Variants in ZP2 observed in about 807,000 individuals in gnomAD.
ZP2 encodes the protein zona pellucida glycoprotein 2, also known as zona pellucida sperm-binding protein 2.
In ZP2, 51 loss-of-function variants were observed where a neutral mutation model predicts 84.0. The observed-to-expected ratio is 0.61, with a 90% CI of 0.49 to 0.77. The LOEUF (loss-of-function observed/expected upper bound fraction) is 0.77. ZP2 is among the 30% of genes least tolerant of loss of function. The pLI, the probability that ZP2 is intolerant of heterozygous loss-of-function variation, is 0.00. For synonymous variants in ZP2, 375 were observed against 330.9 expected (o/e 1.13, Z -1.45); for missense variants, 909 against 911.9 (o/e 1.00, Z 0.04).
chr16:21,201,775 C>T lies in ZP2; in HGVS notation c.1435G>A (p.Glu479Lys). The T allele has an allele frequency of 6.2e-7, 1 of 1,614,114 alleles. No homozygotes were observed. The highest frequency in any genetic ancestry group is 8.5e-7 in the Non-Finnish European group (1 of 1,180,024). The change falls in exon 13 of 19, where the codon GAA becomes AAA. Residue 479 changes from glutamate (E) to lysine (K), a missense_variant. Physicochemically the swap from Glu to Lys is moderately conservative, Grantham distance 56. Coordinates refer to ENST00000574091, the MANE Select transcript of ZP2 (RefSeq NM_001376232.1). ...RNDMLLNINVESLTPPVASVK... is the reference protein window; with the variant it reads ...RNDMLLNINVKSLTPPVASVK... Reference sequence around the variant, plus strand: ...GAGGCCACTGGAGGAGTAAGGCTTTCAACGTTGATGTTTAGTAGCATGTCA... The same window carrying T: ...GAGGCCACTGGAGGAGTAAGGCTTTTAACGTTGATGTTTAGTAGCATGTCA...
rs776072365 is a variant in ZP2, at chr16:21,206,934, G to C, written c.387C>G (p.His129Gln). The change falls in exon 5 of 19, where the codon CAC becomes CAG. Residue 129 changes from histidine (H) to glutamine (Q), a missense_variant. His to Gln is a conservative substitution (Grantham distance 24, BLOSUM62 0). Transcript: ENST00000574091. The stretch of plus-strand genomic sequence containing the variant: ...AGAAGAACTGATACATGACAGCTCC[G>C]TGTCTTAAGGCAGCACTGTTGTTCA... Reference protein sequence around the residue: ...RVMNNSAALRHGAVMYQFFCP... With the variant: ...RVMNNSAALRQGAVMYQFFCP... The C allele has an allele frequency of 1.2e-6, 2 of 1,613,996 alleles. No homozygotes were observed. The highest frequency in any genetic ancestry group is 1.7e-6 in the Non-Finnish European group (2 of 1,180,012).
chr16:21,199,749 A>G lies in ZP2; in HGVS notation c.1824T>C (p.Ser608=). 1 of 1,614,096 alleles carries G rather than the reference A, an allele frequency of 6.2e-7. No homozygotes were observed. Among genetic ancestry groups the G allele is most frequent in the East Asian group, 2.2e-5 (1 of 44,878 alleles). Residue 608 remains serine, a synonymous_variant, in exon 15 of 19, where the codon TCT becomes TCC. Coordinates refer to ENST00000574091, the MANE Select transcript of ZP2 (RefSeq NM_001376232.1). ...TGACTTCTGAATCACTTACCAGGCT[A>G]GAGAGCACGTGGGCTTCTGATACAA... The part of the protein sequence containing the change: ...FAFVSEAHVL[S]SLVYFHCSAL...
chr16:21,199,922 T>G (rs2093217710), intron 14 of ZP2, 44 bp from the exon 15 acceptor site: 1 of 1,607,580 alleles, frequency 6.2e-7, no homozygotes, highest in Non-Finnish European at 8.5e-7. Flanking sequence ...ATATGCATCT[T>G]GGAGTCAAAT....
In ZP2 at chr16:21,210,362, C is replaced by T. The variant is rs2093269229; in HGVS notation, c.152-170G>A. On this transcript the variant is annotated intron_variant, in intron 2 of 18. Coordinates refer to ENST00000574091, the MANE Select transcript of ZP2 (RefSeq NM_001376232.1). ...TGACCAAGACAACAATACAATATGC[C>T]AAGAACTGTAAGGAAAATATCAGGT... Among the ~76,000 whole-genome samples, 4 of 151,968 alleles carry T rather than the reference C, an allele frequency of 2.6e-5. No homozygotes were observed. The South Asian group carries it at 8.3e-4, about 32-fold the overall frequency.
chr16:21,197,908 T>TC, intron 17 of ZP2, 59 bp from the exon 18 acceptor site: 13 of 1,540,472 alleles, frequency 8.4e-6, no homozygotes, highest in Non-Finnish European at 1.1e-5. Context: ...TGGTTAGCTG[T>TC]CCCCTGAGGG....
intron 16 of ZP2, 109 bp from the exon 17 acceptor site, chr16:21,198,971 G>A (rs948511612): frequency 1.1e-5 from 11 of 1,034,582 alleles, no homozygotes; most frequent in Non-Finnish European, 1.6e-5. Context: ...TGTTCATGTG[G>A]TTTGTCTTGC....
Position 21,204,081 on chromosome 16 carries a change from T to C in ZP2, c.921A>G (p.Glu307=), listed in dbSNP as rs113774442. 2 of 1,614,156 alleles carry C rather than the reference T, an allele frequency of 1.2e-6. No individual in the cohort carries two copies. Among genetic ancestry groups the C allele is most frequent in the African/African-American group, 2.7e-5 (2 of 75,058 alleles). Residue 307 remains glutamate (E), a synonymous_variant, in exon 9 of 19, where the codon GAA becomes GAG. Coordinates refer to ENST00000574091, the MANE Select transcript of ZP2 (RefSeq NM_001376232.1). ...AATGCAATTTCATGCCATTTGTTGC[T>C]TCTAGATCAATTCCATTGTCATGCA... ...SQLHDNGIDL[E]ATNGMKLHFS...
chr16:21,197,771 G>C lies in ZP2; in HGVS notation c.2090C>G (p.Ser697Ter). 1.2e-6 allele frequency: 2 copies of C among 1,614,102 alleles called. No homozygotes were observed. Among genetic ancestry groups the C allele is most frequent in the Non-Finnish European group, 1.7e-6 (2 of 1,180,000 alleles). ...SRSETGEEVG[S>*]RGAMDTKGHK... Reference sequence around the variant, plus strand: ...GCAACATTGAATAAACTTACCTCGTGAGCCAACCTCCTCCCCTGTTTCACT... The same window carrying C: ...GCAACATTGAATAAACTTACCTCGTCAGCCAACCTCCTCCCCTGTTTCACT... The change falls in exon 18 of 19, where the codon TCA (serine) becomes TGA (stop). Residue 697 changes from serine (S) to a stop codon, truncating the protein, a stop_gained. Coordinates refer to ENST00000574091, the MANE Select transcript of ZP2 (RefSeq NM_001376232.1). LOFTEE classifies it low-confidence loss of function (END_TRUNC).
intron 2 of ZP2, among the ~76,000 whole-genome samples, chr16:21,210,511 G>T (rs555332539): frequency 6.6e-6 from 1 of 152,232 alleles, no homozygotes; most frequent in South Asian, 2.1e-4. Context: ...ACTGACAAAA[G>T]CTTTGTCAAC....
chr16:21,208,337 A>G (rs2093259658), intron 4 of ZP2, among the ~76,000 whole-genome samples: 1 of 152,206 alleles, frequency 6.6e-6, no homozygotes, highest in South Asian at 2.1e-4. Flanking sequence ...GGAAATTATC[A>G]GGTTTTTCAT....
intron 16 of ZP2, 37 bp downstream of exon 16, chr16:21,199,533 A>G (rs1364485368): frequency 1.3e-6 from 2 of 1,513,076 alleles, no homozygotes; most frequent in Non-Finnish European, 1.8e-6. Flanking sequence ...ACTTGCTTTG[A>G]ATTAGACTCA....
intron 14 of ZP2, among the ~76,000 whole-genome samples, chr16:21,200,731 G>GA (rs1431489743): frequency 6.6e-6 from 1 of 152,222 alleles, no homozygotes; most frequent in Non-Finnish European, 1.5e-5. Flanking sequence ...CTTCATGAAA[G>GA]ACGAAGACTA....
chr16:21,201,692 C>G lies in ZP2; in HGVS notation c.1504+14G>C. On this transcript the variant is annotated intron_variant, in intron 13 of 18. Transcript: ENST00000574091. ...GAGATCATTTAAGCAATTTCACAGA[C>G]TGCAATCTCTTACCTGGGTAGCTTT... The G allele has an allele frequency of 1.2e-6, 2 of 1,614,016 alleles. No individual in the cohort carries two copies. The highest frequency in any genetic ancestry group is 8.5e-7 in the Non-Finnish European group (1 of 1,179,986).
chr16:21,211,760 A>ATGAAATCAGAGTTTGC (rs2093276504), upstream of ZP2: 1 of 1,462,626 alleles, frequency 6.8e-7, no homozygotes, highest in Admixed American at 2.3e-5. Context: ...TGGGCCAGGC[A>ATGAAATCAGAGTTTGC]TGAAATCAGA....
chr16:21,198,830 C>T lies in ZP2; in HGVS notation c.1960G>A (p.Val654Ile). Residue 654 changes from valine (V) to isoleucine (I), a missense_variant, in exon 17 of 19, where the codon GTC becomes ATC. Physicochemically the swap from Val to Ile is conservative, Grantham distance 29. Transcript: ENST00000574091. ...AGGAGAATGGGTCCTGGGAGGCTGA[C>T]TGTCATTTTCTCTGCTTCAGTGGCC... Reference protein sequence around the residue: ...TGATEAEKMTVSLPGPILLLS... With the variant: ...TGATEAEKMTISLPGPILLLS... 1 of 1,614,040 alleles carries T rather than the reference C, an allele frequency of 6.2e-7. No individual in the cohort carries two copies. Among genetic ancestry groups the T allele is most frequent in the Non-Finnish European group, 8.5e-7 (1 of 1,179,984 alleles).
At chr16:21,207,058 T>G in intron 4 of ZP2, 68 bp from the exon 5 acceptor site, 1 of 1,567,076 alleles carries the variant, frequency 6.4e-7, no homozygotes, top group Non-Finnish European at 8.7e-7. Context: ...GAATACCATC[T>G]GACCCATCTG....
intron 14 of ZP2, among the ~76,000 whole-genome samples, chr16:21,200,844 T>C (rs1286050870): frequency 6.6e-6 from 1 of 152,166 alleles, no homozygotes; most frequent in East Asian, 1.9e-4. Context: ...ATCAACACCA[T>C]AGTAGAGTCA....
Position 21,201,395 on chromosome 16 carries a change from G to T in ZP2, c.1668C>A (p.Phe556Leu). 6.3e-7 allele frequency: 1 copy of T among 1,592,864 alleles called. No individual in the cohort carries two copies. Among genetic ancestry groups the T allele is most frequent in the South Asian group, 1.1e-5 (1 of 87,648 alleles). ...CATCCACGACAACGTTCCACTGGGG[G>T]AAAGAGTCTGGATCCATGGTGGACG... ...WATSTMDPDS[F>L]PQWNVVVDGC... The change falls in exon 14 of 19, where the codon TTC becomes TTA. Residue 556 changes from phenylalanine to leucine, a missense_variant. Phe to Leu is a conservative substitution (Grantham distance 22). Transcript: ENST00000574091.
intron 4 of ZP2, among the ~76,000 whole-genome samples, chr16:21,207,224 C>T (rs1379103321): frequency 6.6e-6 from 1 of 152,076 alleles, no homozygotes; most frequent in African/African-American, 2.4e-5. Context: ...TTCTATTTCT[C>T]TTATGTGTAC....
Sources: allele counts gnomAD v4.1 joint callset (sites outside exome capture counted in the v4.1 genomes callset), GRCh38; gene constraint gnomAD v4.1.1; transcripts MANE v1.5; gene names NCBI Gene and HGNC (gene_info 2026-07-23, HGNC 2026-07-21).